KIF5C: variants seen among roughly 807,000 people sequenced by gnomAD.
The protein encoded by KIF5C is kinesin heavy chain isoform 5C.
A neutral mutation model predicts 125.2 loss-of-function variants in KIF5C; 18 were observed. The ratio of observed to expected loss-of-function variants is 0.14; its 90% CI spans 0.10 to 0.21. The LOEUF (loss-of-function observed/expected upper bound fraction) is 0.21. KIF5C is among the 10% of genes least tolerant of loss of function. KIF5C has a pLI of 1.00. For synonymous variants in KIF5C, 405 were observed against 434.0 expected (o/e 0.93, Z 0.83); for missense variants, 780 against 1,183.8 (o/e 0.66, Z 5.01).
chr2:148,891,944 C>G (rs1005793912), intron 1 of KIF5C, among the ~76,000 whole-genome samples: 3 of 152,276 alleles, frequency 2.0e-5, no homozygotes, highest in African/African-American at 7.2e-5. Context: ...GTGATCCATC[C>G]CTCTTGGCCT....
At chr2:148,887,703 C>G (rs1681581649) in intron 1 of KIF5C, among the ~76,000 whole-genome samples, 1 of 151,278 alleles carries the variant, frequency 6.6e-6, no homozygotes, top group South Asian at 2.1e-4. Flanking sequence ...TTAAATTCAA[C>G]TTCCATTTTC....
At chr2:148,926,609 C>A (rs549889638) in intron 2 of KIF5C, among the ~76,000 whole-genome samples, 11 of 152,268 alleles carry the variant, frequency 7.2e-5, no homozygotes, top group Non-Finnish European at 1.3e-4. Context: ...TGCCTGTGGT[C>A]GCGGTGGCCA....
rs564027121 is a variant in KIF5C, at chr2:148,991,229, CTTG to C, written c.1905+36_1905+38del. ...CCCTTCCCTTCCCCATCATTGCACT[CTTG>C]TTGTCTTGAGATCTGCTCCCTCCAT... is the stretch of plus-strand genomic sequence containing the variant. On this transcript the variant is annotated intron_variant, in intron 16 of 25. Coordinates refer to ENST00000435030, the MANE Select transcript of KIF5C (RefSeq NM_004522.3). 64 of 1,603,628 alleles carry C rather than the reference CTTG, an allele frequency of 4.0e-5. 1 individual carries two copies. The highest frequency in any genetic ancestry group is 5.3e-5 in the Non-Finnish European group (62 of 1,174,996).
intron 2 of KIF5C, among the ~76,000 whole-genome samples, chr2:148,925,162 G>A (rs1259663931): frequency 6.6e-6 from 1 of 152,126 alleles, no homozygotes; most frequent in Non-Finnish European, 1.5e-5. Context: ...AATATAGGAG[G>A]GTTGTACAAG....
rs1313004969 is a variant in KIF5C, at chr2:148,962,007, A to G, written c.1005A>G (p.Leu335=). 1.2e-6 allele frequency: 2 copies of G among 1,613,980 alleles called. No homozygotes were observed. The highest frequency in any genetic ancestry group is 1.7e-6 in the Non-Finnish European group (2 of 1,179,882). The change falls in exon 11 of 26, where the codon CTA becomes CTG. Residue 335 remains leucine (L), a synonymous_variant. Coordinates refer to ENST00000435030, the MANE Select transcript of KIF5C (RefSeq NM_004522.3). ...KTIKNTVSVN[L]ELTAEEWKKK... is the part of the protein sequence containing the mutation. ...TCAAGAATACAGTCTCTGTGAACCT[A>G]GAACTGACAGCAGAAGAATGGAAGA...
intron 2 of KIF5C, 93 bp from the exon 3 acceptor site, chr2:148,929,188 G>T: frequency 1.4e-6 from 1 of 699,592 alleles, no homozygotes; most frequent in East Asian, 2.8e-5. Context: ...AATGAGATGG[G>T]CCATTTGGAA....
intron 16 of KIF5C, among the ~76,000 whole-genome samples, chr2:148,992,841 T>A (rs964291963): frequency 2.0e-5 from 3 of 152,258 alleles, no homozygotes; most frequent in Non-Finnish European, 4.4e-5. Context: ...TAGGCAACAG[T>A]GTACCTCATC....
chr2:149,025,710 A>T lies in KIF5C; in HGVS notation c.*2640A>T, dbSNP rs1040259510. The T allele has an allele frequency of 6.6e-6, 1 of 152,260 alleles. No individual in the cohort carries two copies. Among genetic ancestry groups the T allele is most frequent in the Non-Finnish European group, 1.5e-5 (1 of 68,038 alleles). 9.4% of individuals were successfully genotyped at this position (152,260 alleles called of 1,614,324 possible). A position where few individuals can be genotyped will look rare whatever the true frequency, so the allele number is the denominator to read the frequency against. ...CAGATGGTTTATATGAATAATCTTT[A>T]TCTGCAGGATGGTGGATTGGTAAAT... On this transcript the variant is annotated 3_prime_UTR_variant, in exon 26 of 26. Transcript: ENST00000435030.
Position 149,008,081 on chromosome 2 carries a change from G to A in KIF5C, c.2550+14G>A, listed in dbSNP as rs762694133. ...GTTCACAAGCAGGTAGGAGAGTTCT[G>A]CCCGCTCCCCTCTGATTCCCTCCTC... On this transcript the variant is annotated intron_variant, in intron 23 of 25. Transcript: ENST00000435030. 6.2e-7 allele frequency: 1 copy of A among 1,602,756 alleles called. No homozygotes were observed. Among genetic ancestry groups the A allele is most frequent in the Non-Finnish European group, 8.5e-7 (1 of 1,172,762 alleles).
At chr2:148,945,411 T>C (rs578056518) in intron 7 of KIF5C, among the ~76,000 whole-genome samples, 3 of 152,326 alleles carry the variant, frequency 2.0e-5, no homozygotes, top group Admixed American at 1.3e-4. Flanking sequence ...CCACATTAAA[T>C]GGTCTTGACA....
chr2:148,987,644 G>T (rs1168145331), intron 15 of KIF5C, among the ~76,000 whole-genome samples: 3 of 151,930 alleles, frequency 2.0e-5, no homozygotes, highest in African/African-American at 7.3e-5. Context: ...ATTTCTCTGG[G>T]GTCTCCTTGG....
At chr2:148,938,385 A>G (rs968480669) in intron 4 of KIF5C, among the ~76,000 whole-genome samples, 13 of 152,148 alleles carry the variant, frequency 8.5e-5, no homozygotes, top group African/African-American at 2.9e-4. Flanking sequence ...CCTTATCCTA[A>G]TTCTTGAGCA....
intron 10 of KIF5C, among the ~76,000 whole-genome samples, chr2:148,958,051 G>A (rs1467698880): frequency 6.6e-6 from 1 of 152,066 alleles, no homozygotes; most frequent in East Asian, 1.9e-4. Flanking sequence ...ATTTTTCACA[G>A]TTATATAGTA....
chr2:148,934,230 T>TAC (rs919095736), intron 3 of KIF5C, among the ~76,000 whole-genome samples: 5 of 147,708 alleles, frequency 3.4e-5, no homozygotes, highest in Non-Finnish European at 1.5e-5. Flanking sequence ...ATCATACATA[T>TAC]ACACACAGAT....
At position 148,923,493 on chromosome 2, in the gene KIF5C, T is replaced by A. The variant is rs1268089224; in HGVS notation, c.217+1266T>A. Among the ~76,000 whole-genome samples the A allele has an allele frequency of 2.0e-5, 3 of 152,334 alleles. No homozygotes were observed. In the East Asian group the frequency reaches 5.8e-4, roughly 29 times the overall value. ...CTATATCGGGTGGTAATTTTTATCT[T>A]CTCTCTGCTTTTACTCTTCTGCTTC... is the stretch of plus-strand genomic sequence containing the variant. On this transcript the variant is annotated intron_variant, in intron 2 of 25. Coordinates refer to ENST00000435030, the MANE Select transcript of KIF5C (RefSeq NM_004522.3).
chr2:148,904,951 T>G (rs998427672), intron 1 of KIF5C, among the ~76,000 whole-genome samples: 1 of 152,212 alleles, frequency 6.6e-6, no homozygotes, highest in African/African-American at 2.4e-5. Context: ...AGCTTCAGTT[T>G]GGTGCTAGTG....
intron 16 of KIF5C, 122 bp from the exon 17 acceptor site, chr2:148,994,299 T>G: frequency 1.5e-6 from 2 of 1,351,652 alleles, no homozygotes; most frequent in East Asian, 5.1e-5. Context: ...ACCATTTGGT[T>G]GTGGCACTCA....
chr2:148,946,905 A>G lies in KIF5C; in HGVS notation c.596A>G (p.Asn199Ser), dbSNP rs1682532233. The change falls in exon 8 of 26, where the codon AAT (asparagine) becomes AGT (serine). Residue 199 changes from asparagine to serine, a missense_variant. Asn to Ser is a conservative substitution (Grantham distance 46). Coordinates refer to ENST00000435030, the MANE Select transcript of KIF5C (RefSeq NM_004522.3). The stretch of plus-strand genomic sequence containing the variant: ...AAACTATTTTCCTTTTCAGACATGA[A>G]TGAACACAGCTCTAGAAGTCACAGT... ...ANRHVAVTNMNEHSSRSHSIF... is the reference protein window; with the variant it reads ...ANRHVAVTNMSEHSSRSHSIF... 6.2e-7 allele frequency: 1 copy of G among 1,612,388 alleles called. No individual in the cohort carries two copies. Among genetic ancestry groups the G allele is most frequent in the Non-Finnish European group, 8.5e-7 (1 of 1,179,572 alleles).
intron 21 of KIF5C, among the ~76,000 whole-genome samples, chr2:149,004,836 A>G (rs1286815325): frequency 6.6e-6 from 1 of 152,202 alleles, no homozygotes; most frequent in East Asian, 1.9e-4. Context: ...GAAAGGTTAG[A>G]TAACTTGCCC....
Sources: allele counts gnomAD v4.1 joint callset (sites outside exome capture counted in the v4.1 genomes callset), GRCh38; gene constraint gnomAD v4.1.1; transcripts MANE v1.5; gene names NCBI Gene and HGNC (gene_info 2026-07-23, HGNC 2026-07-21).